The following DIAPH3 variants were observed in gnomAD, a reference collection of about 807,000 sequenced individuals.
DIAPH3 encodes diaphanous related formin 3, also known as protein diaphanous homolog 3.
In DIAPH3, 117 loss-of-function variants were observed where a neutral mutation model predicts 144.3. The ratio of observed to expected loss-of-function variants is 0.81; its 90% CI spans 0.70 to 0.95. The LOEUF is 0.95. Among genes scored for constraint, DIAPH3 ranks in the 40% least tolerant of loss-of-function variants. The pLI is 0.00. For missense variants in DIAPH3, 1,421 were observed against 1,412.7 expected (o/e 1.01, Z -0.09); for synonymous variants, 519 against 488.9 (o/e 1.06, Z -0.81).
chr13:60,036,082 G>A (rs1050348747), intron 5 of DIAPH3, among the ~76,000 whole-genome samples: 3 of 152,216 alleles, frequency 2.0e-5, no homozygotes, highest in Non-Finnish European at 4.4e-5. Context: ...TGCTAAGCCA[G>A]CACTCTCTGC....
intron 3 of DIAPH3, among the ~76,000 whole-genome samples, chr13:60,110,198 C>A (rs900486115): frequency 6.6e-6 from 1 of 152,146 alleles, no homozygotes; most frequent in Non-Finnish European, 1.5e-5. Flanking sequence ...TTACTAAATA[C>A]CTTTGATAAT....
intron 27 of DIAPH3, among the ~76,000 whole-genome samples, chr13:59,707,999 CA>C: frequency 6.7e-6 from 1 of 149,744 alleles, no homozygotes; most frequent in African/African-American, 2.5e-5. Flanking sequence ...AAAAAAAAAA[CA>C]AAAAACCCTT....
intron 13 of DIAPH3, among the ~76,000 whole-genome samples, chr13:59,982,552 T>C (rs1363963143): frequency 6.6e-6 from 1 of 151,554 alleles, no homozygotes; most frequent in African/African-American, 2.4e-5. Flanking sequence ...AAAAGAAACA[T>C]AACCCTGCAC....
At chr13:60,088,109 A>T (rs1023053502) in intron 4 of DIAPH3, among the ~76,000 whole-genome samples, 5 of 152,178 alleles carry the variant, frequency 3.3e-5, no homozygotes, top group African/African-American at 1.2e-4. Context: ...AAGAGGTAGC[A>T]GTCCAGTTGT....
At chr13:59,743,521 T>TGGCCTCACCCC (rs987182904) in intron 27 of DIAPH3, among the ~76,000 whole-genome samples, 1 of 152,134 alleles carries the variant, frequency 6.6e-6, no homozygotes, top group Non-Finnish European at 1.5e-5. Context: ...GCTCTCACCC[T>TGGCCTCACCCC]GGCCTCACCC....
chr13:59,673,393 T>C (rs1354535527), intron 27 of DIAPH3, among the ~76,000 whole-genome samples: 1 of 152,208 alleles, frequency 6.6e-6, no homozygotes, highest in Non-Finnish European at 1.5e-5. Context: ...TTCTCTCACA[T>C]TTGCAACATT....
chr13:59,957,882 G>C (rs1164752568), intron 17 of DIAPH3, among the ~76,000 whole-genome samples: 2 of 152,038 alleles, frequency 1.3e-5, no homozygotes, highest in Non-Finnish European at 2.9e-5. Context: ...TCTTATGCTA[G>C]GGAAACAGAA....
intron 24 of DIAPH3, among the ~76,000 whole-genome samples, chr13:59,832,615 A>C (rs962146236): frequency 4.0e-5 from 6 of 151,798 alleles, no homozygotes; most frequent in African/African-American, 1.4e-4. Flanking sequence ...AGGATTCCAC[A>C]TCAAAGACCT....
intron 1 of DIAPH3, among the ~76,000 whole-genome samples, chr13:60,136,919 G>A (rs1312134823): frequency 1.3e-5 from 2 of 148,958 alleles, no homozygotes; most frequent in East Asian, 2.0e-4. Flanking sequence ...CAGCCTGGGC[G>A]ACAGAGCGAG....
At chr13:59,873,178 T>C (rs1249089991) in intron 21 of DIAPH3, among the ~76,000 whole-genome samples, 1 of 152,218 alleles carries the variant, frequency 6.6e-6, no homozygotes, top group East Asian at 1.9e-4. Flanking sequence ...AAGAATGGCA[T>C]TTGTTATTTG....
At position 60,087,228 on chromosome 13, in the gene DIAPH3, G is replaced by A. The variant is rs557366834; in HGVS notation, c.495+6400C>T. 1.4e-4 allele frequency among the ~76,000 whole-genome samples: 21 copies of A among 152,116 alleles called. 1 individual carries two copies. Among genetic ancestry groups the A allele is most frequent in the Non-Finnish European group, 2.6e-4 (18 of 68,004 alleles). ...AACCAACCCATGGATACAGAGGTTC[G>A]ACTGTATACATAAATCTAAATATAT... On this transcript the variant is annotated intron_variant, in intron 4 of 27. Coordinates refer to ENST00000400324, the MANE Select transcript of DIAPH3 (RefSeq NM_001042517.2).
chr13:59,848,566 GTTTGGTTTTTTGTTC>G (rs2042801611), intron 22 of DIAPH3, among the ~76,000 whole-genome samples: 1 of 138,414 alleles, frequency 7.2e-6, no homozygotes, highest in Non-Finnish European at 1.6e-5. Flanking sequence ...AATATGCGGT[GTTTGGTTTTTTGTTC>G]TTGCGATAGT....
chr13:60,086,308 G>C (rs1348387982), intron 4 of DIAPH3, among the ~76,000 whole-genome samples: 1 of 152,156 alleles, frequency 6.6e-6, no homozygotes, highest in African/African-American at 2.4e-5. Context: ...AATTTTAGCT[G>C]TTGGAAGATC....
At chr13:59,921,801 C>T (rs2047532456) in intron 18 of DIAPH3, among the ~76,000 whole-genome samples, 1 of 151,838 alleles carries the variant, frequency 6.6e-6, no homozygotes, top group South Asian at 2.1e-4. Context: ...TGTCAATAAC[C>T]CTGAAGCAAA....
intron 2 of DIAPH3, among the ~76,000 whole-genome samples, chr13:60,132,376 G>C (rs1423765967): frequency 6.6e-6 from 1 of 151,922 alleles, no homozygotes; most frequent in Non-Finnish European, 1.5e-5. Flanking sequence ...TTTTGTTGTT[G>C]TTCTTCTTGT....
intron 7 of DIAPH3, among the ~76,000 whole-genome samples, chr13:60,011,039 A>T (rs1359537227): frequency 6.6e-6 from 1 of 152,084 alleles, no homozygotes. Flanking sequence ...CGAGAGGTGG[A>T]CATTGCAGTA....
intron 27 of DIAPH3, among the ~76,000 whole-genome samples, chr13:59,756,392 T>C (rs766127990): frequency 7.2e-6 from 1 of 139,108 alleles, no homozygotes; most frequent in Non-Finnish European, 1.5e-5. Flanking sequence ...AATAGATACA[T>C]GTGGTAAATT....
chr13:59,779,922 G>A (rs2038649338), intron 25 of DIAPH3, among the ~76,000 whole-genome samples: 5 of 152,162 alleles, frequency 3.3e-5, no homozygotes, highest in Admixed American at 3.3e-4. Context: ...ATAAACCAAA[G>A]TGTAAGATGG....
chr13:60,048,527 C>T (rs915622407), intron 4 of DIAPH3, among the ~76,000 whole-genome samples: 1 of 152,136 alleles, frequency 6.6e-6, no homozygotes, highest in African/African-American at 2.4e-5. Context: ...ATAGTAGTCT[C>T]CTAGAGTAGT....
Sources: gnomAD v4.1 joint callset for allele counts (sites outside exome capture counted in the v4.1 genomes callset) on GRCh38, gnomAD v4.1.1 for gene constraint, MANE v1.5 for transcripts, NCBI Gene and HGNC (gene_info 2026-07-23, HGNC 2026-07-21) for gene names.